Variants in LRRK1 observed in about 807,000 individuals in gnomAD.
The protein encoded by LRRK1 is leucine-rich repeat serine/threonine-protein kinase 1.
LRRK1 carries 113 observed loss-of-function variants against 209.1 expected under a neutral mutation model. The ratio of observed to expected loss-of-function variants is 0.54; its 90% CI spans 0.46 to 0.63. LRRK1 has a LOEUF of 0.63. LRRK1 is among the 30% of genes least tolerant of loss of function. The pLI is 0.00. For synonymous variants in LRRK1, 1,144 were observed against 1,099.7 expected (o/e 1.04, Z -0.80); for missense variants, 2,284 against 2,632.2 (o/e 0.87, Z 2.89).
chr15:101,019,374 T>C (rs1439334250), intron 12 of LRRK1, among the ~76,000 whole-genome samples: 2 of 152,112 alleles, frequency 1.3e-5, no homozygotes, highest in African/African-American at 2.4e-5. Flanking sequence ...CTTTTTTCAT[T>C]GAAGGAAAAA....
At chr15:100,994,460 C>T (rs1353291440) in intron 6 of LRRK1, among the ~76,000 whole-genome samples, 2 of 152,184 alleles carry the variant, frequency 1.3e-5, no homozygotes, top group Non-Finnish European at 2.9e-5. Flanking sequence ...GAGCCAGTGG[C>T]TCCGATTTTC....
At position 101,027,392 on chromosome 15, in the gene LRRK1, T is replaced by C. The variant is rs1206602802; in HGVS notation, c.2526+11T>C. On this transcript the variant is annotated intron_variant, in intron 18 of 33. Coordinates refer to ENST00000388948, the MANE Select transcript of LRRK1 (RefSeq NM_024652.6). This position sits in a 1 kb window ranked among gnomAD's most constrained non-coding sequence, Gnocchi z 5.1. Reference sequence around the variant, plus strand: ...CTGGCAGGGCGGCTGGTGGGTACCTTGCTGGTCCAGTTTAAACCAGTCTGC... The same window carrying C: ...CTGGCAGGGCGGCTGGTGGGTACCTCGCTGGTCCAGTTTAAACCAGTCTGC... The C allele has an allele frequency of 6.2e-7, 1 of 1,612,220 alleles. No homozygotes were observed. The highest frequency in any genetic ancestry group is 8.5e-7 in the Non-Finnish European group (1 of 1,179,694).
chr15:100,921,135 C>G (rs1269834213), intron 1 of LRRK1, among the ~76,000 whole-genome samples: 1 of 152,176 alleles, frequency 6.6e-6, no homozygotes, highest in East Asian at 1.9e-4. Context: ...CACTGGAGCT[C>G]TTGGGGTCAG....
At chr15:101,007,586 C>T (rs965836205) in intron 6 of LRRK1, among the ~76,000 whole-genome samples, 1 of 152,194 alleles carries the variant, frequency 6.6e-6, no homozygotes, top group African/African-American at 2.4e-5. Flanking sequence ...TTGCGTGTGG[C>T]AGAGACCCAC....
chr15:101,036,684 A>T (rs1322420404), intron 20 of LRRK1, among the ~76,000 whole-genome samples: 3 of 151,676 alleles, frequency 2.0e-5, no homozygotes, highest in African/African-American at 7.3e-5. Context: ...TTGCTTTTTC[A>T]TGTTTCCTGT....
At chr15:101,041,705 A>G (rs1434920860) in intron 20 of LRRK1, among the ~76,000 whole-genome samples, 1 of 152,228 alleles carries the variant, frequency 6.6e-6, no homozygotes, top group Non-Finnish European at 1.5e-5. Flanking sequence ...TCTATACAGT[A>G]GTCCCCCTTA....
intron 2 of LRRK1, among the ~76,000 whole-genome samples, chr15:100,964,164 C>T (rs556636048): frequency 1.3e-5 from 2 of 152,128 alleles, no homozygotes; most frequent in Non-Finnish European, 2.9e-5. Context: ...GGGTGGAGGG[C>T]CTGGGTGATG....
chr15:100,922,831 T>A (rs113781279), intron 1 of LRRK1, among the ~76,000 whole-genome samples: 1 of 70,606 alleles, frequency 1.4e-5, no homozygotes, highest in African/African-American at 1.5e-4. Context: ...GACCATCCCT[T>A]TTGCCTCTGA....
At chr15:100,940,919 A>G (rs1438262028) in intron 2 of LRRK1, among the ~76,000 whole-genome samples, 1 of 152,268 alleles carries the variant, frequency 6.6e-6, no homozygotes, top group Non-Finnish European at 1.5e-5. Flanking sequence ...CAAGATGTGC[A>G]GGCCCTCTGA....
intron 2 of LRRK1, among the ~76,000 whole-genome samples, chr15:100,938,246 C>T (rs1343990917): frequency 6.6e-6 from 1 of 151,598 alleles, no homozygotes; most frequent in East Asian, 1.9e-4. Context: ...TACCCATTAC[C>T]CAATTTCAGT....
At chr15:101,041,796 C>T (rs898608988) in intron 20 of LRRK1, among the ~76,000 whole-genome samples, 2 of 152,144 alleles carry the variant, frequency 1.3e-5, no homozygotes, top group African/African-American at 2.4e-5. Context: ...TATGCCTTTT[C>T]CTTTATCTAC....
chr15:101,034,153 T>C (rs2034401497), intron 20 of LRRK1, among the ~76,000 whole-genome samples: 1 of 152,230 alleles, frequency 6.6e-6, no homozygotes, highest in Non-Finnish European at 1.5e-5. Context: ...AAATTGTGGA[T>C]ATTAGTTCCT....
At chr15:100,940,619 G>A (rs2042383667) in intron 2 of LRRK1, among the ~76,000 whole-genome samples, 2 of 152,168 alleles carry the variant, frequency 1.3e-5, no homozygotes. Flanking sequence ...GTTTGTGGAT[G>A]CTGCATCCTC....
intron 3 of LRRK1, among the ~76,000 whole-genome samples, chr15:100,974,473 T>G (rs1280760560): frequency 6.6e-6 from 1 of 152,216 alleles, no homozygotes; most frequent in Non-Finnish European, 1.5e-5. Flanking sequence ...GCAGACAGAT[T>G]GCATATATGG....
At position 101,028,964 on chromosome 15, in the gene LRRK1, TTCC is replaced by T; in HGVS notation, c.2698_2700del (p.Leu900del). ...CTCCTTGCCTGGGGCAGCCATCAGC[TTCC>T]TCATAGAAACCGGCACCCTGCTCCA... On this transcript the variant is annotated inframe_deletion, in exon 20 of 34. Coordinates refer to ENST00000388948, the MANE Select transcript of LRRK1 (RefSeq NM_024652.6). 1 of 1,613,832 alleles carries T rather than the reference TTCC, an allele frequency of 6.2e-7. No individual in the cohort carries two copies. The highest frequency in any genetic ancestry group is 1.1e-5 in the South Asian group (1 of 91,064).
intron 26 of LRRK1, among the ~76,000 whole-genome samples, chr15:101,054,532 C>T (rs759233596): frequency 3.3e-5 from 5 of 152,192 alleles, no homozygotes; most frequent in Non-Finnish European, 5.9e-5. Flanking sequence ...AAGGGCCAGG[C>T]GCAGTGGCTC....
intron 2 of LRRK1, among the ~76,000 whole-genome samples, chr15:100,952,367 C>G (rs1382101174): frequency 6.6e-6 from 1 of 152,152 alleles, no homozygotes; most frequent in African/African-American, 2.4e-5. Flanking sequence ...ACCGATGTAT[C>G]CATCTTTTAT....
intron 6 of LRRK1, among the ~76,000 whole-genome samples, chr15:100,998,979 C>G (rs1020642131): frequency 2.6e-5 from 4 of 152,184 alleles, no homozygotes; most frequent in African/African-American, 9.7e-5. Context: ...CGTAGGGCCT[C>G]ATAGCTTTAA....
intron 25 of LRRK1, 26 bp from the exon 26 acceptor site, chr15:101,053,197 G>T: frequency 6.2e-7 from 1 of 1,600,076 alleles, no homozygotes; most frequent in South Asian, 1.1e-5. Flanking sequence ...ATGTCCTACT[G>T]GCTGACACTG....
Sources: allele counts gnomAD v4.1 joint callset (sites outside exome capture counted in the v4.1 genomes callset), GRCh38; gene constraint gnomAD v4.1.1; non-coding constraint Gnocchi (gnomAD v3.1); transcripts MANE v1.5; gene names NCBI Gene and HGNC (gene_info 2026-07-23, HGNC 2026-07-21).